The following PCSK5 variants were observed in gnomAD, a reference collection of about 807,000 sequenced individuals.
PCSK5 encodes the protein proprotein convertase subtilisin/kexin type 5, also known as prohormone convertase 5.
PCSK5 carries 129 observed loss-of-function variants against 233.2 expected under a neutral mutation model. The observed-to-expected ratio is 0.55, with a 90% CI of 0.48 to 0.64. The LOEUF (loss-of-function observed/expected upper bound fraction) is 0.64. Ranked by LOEUF, PCSK5 falls within the 30% of genes least tolerant of loss-of-function variation. The pLI is 0.00. For missense variants in PCSK5, 2,076 were observed against 2,430.1 expected, an observed-to-expected ratio of 0.85 and a Z score of 3.06; for synonymous variants, 825 against 879.2, an observed-to-expected ratio of 0.94 and a Z score of 1.09.
chr9:76,116,885 G>A (rs112669146), intron 9 of PCSK5, among the ~76,000 whole-genome samples: 6 of 152,076 alleles, frequency 3.9e-5, no homozygotes, highest in South Asian at 2.1e-4. Flanking sequence ...ACTATAAACC[G>A]TAAAGGGAAT....
At chr9:76,323,352 G>A (rs770241761) in intron 32 of PCSK5, 64 bp downstream of exon 32, 13 of 913,568 alleles carry the variant, frequency 1.4e-5, no homozygotes, top group South Asian at 7.7e-5. Context: ...CAGCCCCAGC[G>A]CCAGAGCTGT....
At chr9:76,183,908 TTTC>T (rs1413147582) in intron 16 of PCSK5, among the ~76,000 whole-genome samples, 1 of 152,206 alleles carries the variant, frequency 6.6e-6, no homozygotes. Context: ...GTAGAAGGAC[TTTC>T]TTAATATGCC....
At chr9:75,934,917 A>G (rs1823983197) in intron 2 of PCSK5, among the ~76,000 whole-genome samples, 1 of 151,962 alleles carries the variant, frequency 6.6e-6, no homozygotes, top group Admixed American at 6.6e-5. Context: ...TAATTTTCAG[A>G]AACTTTTTAT....
chr9:76,099,096 C>G (rs11144751), intron 8 of PCSK5, among the ~76,000 whole-genome samples: 1 of 152,198 alleles, frequency 6.6e-6, no homozygotes, highest in African/African-American at 2.4e-5. Context: ...TAACTTAATT[C>G]GTTTCTTCCT....
intron 3 of PCSK5, among the ~76,000 whole-genome samples, chr9:76,010,759 C>A (rs1827696951): frequency 1.3e-5 from 2 of 152,174 alleles, no homozygotes; most frequent in Admixed American, 6.5e-5. Flanking sequence ...ATAGAAAAGA[C>A]AACATGCTTG....
intron 20 of PCSK5, among the ~76,000 whole-genome samples, chr9:76,220,224 G>A (rs1366680196): frequency 6.6e-6 from 1 of 152,082 alleles, no homozygotes; most frequent in Non-Finnish European, 1.5e-5. Context: ...TTGTTTAACT[G>A]CAGACAATAA....
At chr9:76,303,570 C>T (rs1456713845) in intron 28 of PCSK5, among the ~76,000 whole-genome samples, 2 of 152,164 alleles carry the variant, frequency 1.3e-5, no homozygotes, top group Admixed American at 6.5e-5. Flanking sequence ...AAGATTTGCA[C>T]GGTGTTCACT....
chr9:76,311,855 T>C (rs1249763327), intron 30 of PCSK5, among the ~76,000 whole-genome samples: 3 of 152,192 alleles, frequency 2.0e-5, no homozygotes, highest in Non-Finnish European at 2.9e-5. Flanking sequence ...ATTACGTGTC[T>C]CAGCTCCAGA....
At chr9:76,213,791 C>A (rs990437446) in intron 20 of PCSK5, among the ~76,000 whole-genome samples, 4 of 152,100 alleles carry the variant, frequency 2.6e-5, no homozygotes, top group African/African-American at 9.7e-5. Context: ...CTACTTCAGT[C>A]AACCCAATCA....
At chr9:76,004,355 A>G (rs182586795) in intron 3 of PCSK5, among the ~76,000 whole-genome samples, 4 of 152,200 alleles carry the variant, frequency 2.6e-5, no homozygotes, top group African/African-American at 9.6e-5. Context: ...CAGGTGGTAT[A>G]ATGTCAGAAG....
chr9:76,346,323 G>C lies in PCSK5; in HGVS notation c.4967-4505G>C, dbSNP rs961761408. Among the ~76,000 whole-genome samples the C allele has an allele frequency of 1.2e-4, 19 of 152,126 alleles. 1 individual carries two copies. The highest frequency in any genetic ancestry group is 4.4e-5 in the Non-Finnish European group (3 of 68,032). On this transcript the variant is annotated intron_variant, in intron 35 of 37. Coordinates refer to ENST00000674117, the MANE Select transcript of PCSK5 (RefSeq NM_001372043.1). The stretch of plus-strand genomic sequence containing the variant: ...TATAGAAATACTATGAATGTCTTTA[G>C]TTGGGTTTGAGATTTCCTGGGTGAA...
At chr9:75,952,113 T>G (rs900818429) in intron 2 of PCSK5, among the ~76,000 whole-genome samples, 11 of 152,230 alleles carry the variant, frequency 7.2e-5, no homozygotes, top group African/African-American at 2.7e-4. Context: ...ATCCATTCAT[T>G]AATCCAGCTA....
chr9:76,181,027 G>A (rs933554220), intron 15 of PCSK5, among the ~76,000 whole-genome samples: 7 of 151,976 alleles, frequency 4.6e-5, no homozygotes, highest in Non-Finnish European at 8.8e-5. Flanking sequence ...AACAACACAC[G>A]AAAATAGAAG....
chr9:75,909,163 A>G (rs964363296), intron 1 of PCSK5, among the ~76,000 whole-genome samples: 13 of 150,948 alleles, frequency 8.6e-5, no homozygotes, highest in African/African-American at 2.9e-4. Flanking sequence ...TTTCTCTACT[A>G]AAAATACAAA....
At chr9:76,314,033 T>C (rs905834963) in intron 30 of PCSK5, among the ~76,000 whole-genome samples, 2 of 152,256 alleles carry the variant, frequency 1.3e-5, no homozygotes, top group African/African-American at 4.8e-5. Flanking sequence ...GTCATTATTA[T>C]TGCCTTATTT....
intron 26 of PCSK5, among the ~76,000 whole-genome samples, 166 bp from the exon 27 acceptor site, chr9:76,296,497 CAT>C: frequency 6.6e-6 from 1 of 152,114 alleles, no homozygotes; most frequent in Non-Finnish European, 1.5e-5. Flanking sequence ...GAGCCGAGAT[CAT>C]GCCACTGCAC....
chr9:76,152,451 G>A (rs1823712737), intron 10 of PCSK5, among the ~76,000 whole-genome samples: 1 of 152,168 alleles, frequency 6.6e-6, no homozygotes, highest in Non-Finnish European at 1.5e-5. Flanking sequence ...GAGAGTTTTT[G>A]TTGCTGCTTG....
intron 1 of PCSK5, among the ~76,000 whole-genome samples, chr9:75,897,322 C>T (rs890317129): frequency 4.0e-5 from 6 of 151,734 alleles, no homozygotes; most frequent in Non-Finnish European, 7.4e-5. Context: ...CTGATTCTCC[C>T]ATAGGATGAT....
chr9:76,092,196 T>C (rs910988993), intron 7 of PCSK5, among the ~76,000 whole-genome samples: 2 of 152,162 alleles, frequency 1.3e-5, no homozygotes, highest in Non-Finnish European at 2.9e-5. Context: ...CTAATTCTAC[T>C]GCCAAGTCTG....
Sources: gnomAD v4.1 joint callset for allele counts (sites outside exome capture counted in the v4.1 genomes callset) on GRCh38, gnomAD v4.1.1 for gene constraint, MANE v1.5 for transcripts, NCBI Gene and HGNC (gene_info 2026-07-23, HGNC 2026-07-21) for gene names.